FRMPD4: variants seen among roughly 807,000 people sequenced by gnomAD.
FRMPD4 encodes the protein FERM and PDZ domain containing 4.
FRMPD4 carries 22 observed loss-of-function variants against 94.1 expected under a neutral mutation model. The ratio of observed to expected loss-of-function variants is 0.23; its 90% CI spans 0.17 to 0.33. The LOEUF is 0.33. Among genes scored for constraint, FRMPD4 ranks in the 10% least tolerant of loss-of-function variants. FRMPD4 has a pLI of 1.00. For synonymous variants in FRMPD4, 631 were observed against 548.6 expected (o/e 1.15, Z -2.10); for missense variants, 1,111 against 1,339.9 (o/e 0.83, Z 2.67).
At chrX:12,285,963 G>A (rs1316807804) in intron 1 of FRMPD4, among the ~76,000 whole-genome samples, 1 of 111,975 alleles carries the variant, frequency 8.9e-6, no homozygotes, top group East Asian at 2.8e-4. Flanking sequence ...AAATAGATAA[G>A]CACATAGGGA....
chrX:12,250,022 T>TTCTCTC (rs3835008), intron 1 of FRMPD4, among the ~76,000 whole-genome samples: 2 of 97,501 alleles, frequency 2.1e-5, no homozygotes, highest in Non-Finnish European at 4.1e-5. Context: ...AATTATGGTA[T>TTCTCTC]TCTCTCTCTC....
chrX:11,919,887 C>T (rs2054045621), intron 3 of FRMPD4, among the ~76,000 whole-genome samples: 1 of 112,341 alleles, frequency 8.9e-6, no homozygotes, highest in African/African-American at 3.2e-5. Context: ...TAGTATTAAA[C>T]TATTCTGGAA....
chrX:12,126,165 A>C lies in FRMPD4; in HGVS notation c.95+248147A>C, dbSNP rs193072124. Among the ~76,000 whole-genome samples the C allele has an allele frequency of 3.3e-3, 372 of 112,342 alleles. 2 individuals are homozygous for C. Among genetic ancestry groups the C allele is most frequent in the South Asian group, 0.016 (42 of 2,671 alleles). On this transcript the variant is annotated intron_variant, in intron 3 of 18. Coordinates refer to the FRMPD4 transcript ENST00000640291. ...GCAAGTATAACATGTCTGTAATTAG[A>C]CTGTCCTGTAATTAGGGAGCTGACA...
At chrX:12,502,156 T>C (rs924538642) in intron 2 of FRMPD4, among the ~76,000 whole-genome samples, 3 of 111,863 alleles carry the variant, frequency 2.7e-5, no homozygotes. Flanking sequence ...ACAGCTATGG[T>C]TGCTGCTGTA....
intron 3 of FRMPD4, among the ~76,000 whole-genome samples, chrX:12,025,679 A>G (rs886197630): frequency 4.5e-5 from 5 of 111,956 alleles, no homozygotes; most frequent in African/African-American, 1.6e-4. Flanking sequence ...CCCATTTGTC[A>G]TGTTCTGAAC....
At chrX:12,423,339 T>G (rs990062067) in intron 1 of FRMPD4, among the ~76,000 whole-genome samples, 15 of 112,006 alleles carry the variant, frequency 1.3e-4, no homozygotes, top group African/African-American at 4.9e-4. Context: ...TGGGGTCCAG[T>G]TGGCAGTAAT....
At chrX:12,447,764 C>T (rs1159944006) in intron 1 of FRMPD4, among the ~76,000 whole-genome samples, 1 of 111,989 alleles carries the variant, frequency 8.9e-6, no homozygotes, top group Non-Finnish European at 1.9e-5. Context: ...TAAGACAATG[C>T]ATGACACATG....
chrX:11,896,125 C>T (rs1034055091), intron 3 of FRMPD4, among the ~76,000 whole-genome samples: 9 of 112,273 alleles, frequency 8.0e-5, no homozygotes, highest in Non-Finnish European at 1.3e-4. Flanking sequence ...CCTTCTTGAG[C>T]TCTTTAGGCT....
intron 1 of FRMPD4, among the ~76,000 whole-genome samples, chrX:12,488,695 G>C (rs901872034): frequency 9.0e-6 from 1 of 111,195 alleles, no homozygotes; most frequent in African/African-American, 3.3e-5. Context: ...TGCACAATTT[G>C]TGTATCAGAG....
At chrX:11,882,414 CT>C (rs2053819221) in intron 3 of FRMPD4, among the ~76,000 whole-genome samples, 1 of 111,014 alleles carries the variant, frequency 9.0e-6, no homozygotes, top group Non-Finnish European at 1.9e-5. Context: ...TATAGAGGAC[CT>C]TGTATAATAA....
chrX:11,967,734 ATG>A (rs1169732749), intron 3 of FRMPD4, among the ~76,000 whole-genome samples: 30 of 90,468 alleles, frequency 3.3e-4, no homozygotes, highest in Non-Finnish European at 5.3e-4. Context: ...TTCTAGGCAG[ATG>A]TGTGTGTGTG....
intron 3 of FRMPD4, among the ~76,000 whole-genome samples, chrX:11,935,351 G>A (rs1223936050): frequency 6.9e-5 from 1 of 14,468 alleles, no homozygotes; most frequent in Non-Finnish European, 1.2e-4. Flanking sequence ...AGTTACATAT[G>A]TATACATGTG....
In FRMPD4 at chrX:12,721,651, C is replaced by A. The variant is rs2042242363; in HGVS notation, c.5082C>A (p.Val1694=). ...AAGCTTGCATGCGATTAGTTAAAGT[C>A]GTGAACTCAGAAACACAGCGGCAGG... ...LTEACMRLVK[V]VNSETQRQEI... The change falls in exon 17 of 17, where the codon GTC becomes GTA. Residue 1694 remains valine (V), a synonymous_variant. Coordinates refer to ENST00000675598, the MANE Select transcript of FRMPD4 (RefSeq NM_001368397.1). 1 of 752,845 alleles carries A rather than the reference C, an allele frequency of 1.3e-6. No homozygotes were observed. The highest frequency in any genetic ancestry group is 1.6e-6 in the Non-Finnish European group (1 of 636,452). The allele number at this position is 752,845 out of a possible 1,213,427, so 62.0% of individuals were successfully genotyped here. A position where few individuals can be genotyped will look rare whatever the true frequency, so the allele number is the denominator to read the frequency against.
At chrX:12,117,443 G>A (rs767652661) in intron 3 of FRMPD4, among the ~76,000 whole-genome samples, 6 of 110,156 alleles carry the variant, frequency 5.4e-5, no homozygotes, top group Admixed American at 1.9e-4. Context: ...CTTCTCTGCC[G>A]CCACCATTGT....
intron 3 of FRMPD4, among the ~76,000 whole-genome samples, chrX:11,976,878 C>A (rs779352230): frequency 1.8e-5 from 2 of 111,567 alleles, no homozygotes; most frequent in East Asian, 5.6e-4. Context: ...TTTGATGGGA[C>A]CAACTCTGTG....
chrX:12,158,665 T>A (rs2055975331), intron 1 of FRMPD4, among the ~76,000 whole-genome samples: 1 of 112,101 alleles, frequency 8.9e-6, no homozygotes, highest in Admixed American at 9.5e-5. Flanking sequence ...ATTAGACACA[T>A]CTTTGTGTGT....
chrX:12,609,948 G>C, intron 3 of FRMPD4, 67 bp downstream of exon 3: 4 of 1,007,640 alleles, frequency 4.0e-6, no homozygotes, highest in Non-Finnish European at 5.5e-6. Flanking sequence ...AATAACTACT[G>C]TTCAGTTTCA....
chrX:12,590,514 T>A (rs748426940), intron 2 of FRMPD4, among the ~76,000 whole-genome samples: 1 of 112,275 alleles, frequency 8.9e-6, no homozygotes, highest in Admixed American at 9.5e-5. Flanking sequence ...ACAATGATTC[T>A]AAAATTTATT....
rs1404974883 is a variant in FRMPD4 at position 11,823,293 on chromosome X, TATA to T, written c.-161+590_-161+592del. ...CATTTGAGGGCTAAGTTTATGATAA[TATA>T]ATAATAATAATTATTATTATTATTA... On this transcript the variant is annotated intron_variant, in intron 1 of 18. Transcript: ENST00000640291. Among the ~76,000 whole-genome samples, 9 of 109,101 alleles carry T rather than the reference TATA, an allele frequency of 8.2e-5. No individual in the cohort carries two copies. The East Asian group carries it at 1.1e-3, about 14-fold the overall frequency. 94.7% of individuals were successfully genotyped at this position (109,101 alleles called of 115,157 possible).
Sources: gnomAD v4.1 joint callset for allele counts (sites outside exome capture counted in the v4.1 genomes callset) on GRCh38, gnomAD v4.1.1 for gene constraint, MANE v1.5 for transcripts, NCBI Gene and HGNC (gene_info 2026-07-23, HGNC 2026-07-21) for gene names.